Variants in CLMN observed in about 807,000 individuals in gnomAD.
CLMN encodes calmin, also known as calmin (calponin-like, transmembrane).
A neutral mutation model predicts 92.7 loss-of-function variants in CLMN; 57 were observed. The ratio of observed to expected loss-of-function variants is 0.61; its 90% CI spans 0.50 to 0.77. CLMN has a LOEUF of 0.77. Ranked by LOEUF, CLMN falls within the 30% of genes least tolerant of loss-of-function variation. The pLI, the probability that CLMN is intolerant of heterozygous loss-of-function variation, is 0.00. For missense variants in CLMN, 1,158 were observed against 1,237.5 expected, an observed-to-expected ratio of 0.94 and a Z score of 0.96; for synonymous variants, 466 against 470.6, an observed-to-expected ratio of 0.99 and a Z score of 0.13.
At chr14:95,208,574 T>TAAA (rs1262952908) in intron 8 of CLMN, among the ~76,000 whole-genome samples, 1 of 152,180 alleles carries the variant, frequency 6.6e-6, no homozygotes, top group African/African-American at 2.4e-5. Context: ...ATCCGTTTTA[T>TAAA]AAGAAAGCGT....
At chr14:95,216,598 A>C (rs1897356042) in intron 4 of CLMN, among the ~76,000 whole-genome samples, 1 of 152,244 alleles carries the variant, frequency 6.6e-6, no homozygotes, top group Non-Finnish European at 1.5e-5. Context: ...CGACATGAGC[A>C]GTCACGGACT....
At chr14:95,285,952 T>C (rs1900324990) in intron 1 of CLMN, among the ~76,000 whole-genome samples, 1 of 152,148 alleles carries the variant, frequency 6.6e-6, no homozygotes, top group African/African-American at 2.4e-5. Context: ...TTGATTCATA[T>C]AGGACCACAT....
At chr14:95,298,516 T>G (rs910355742) in intron 1 of CLMN, among the ~76,000 whole-genome samples, 1 of 152,076 alleles carries the variant, frequency 6.6e-6, no homozygotes, top group Non-Finnish European at 1.5e-5. Flanking sequence ...GATAGTAACC[T>G]CAGTCGCAGG....
intron 1 of CLMN, among the ~76,000 whole-genome samples, chr14:95,255,253 C>A (rs1898950811): frequency 6.6e-6 from 1 of 152,146 alleles, no homozygotes; most frequent in African/African-American, 2.4e-5. Flanking sequence ...GTTAAGCCAC[C>A]CAACCTGGGG....
Position 95,204,050 on chromosome 14 carries a change from G to A in CLMN, c.1299C>T (p.Tyr433=), listed in dbSNP as rs141550341. ...KKTVHFEADT[Y]KDPFCSKNLS... The stretch of plus-strand genomic sequence containing the variant: ...GGTTCTTACTGCAGAAAGGATCCTT[G>A]TAGGTGTCAGCCTCAAAGTGAACTG... The change falls in exon 9 of 13, where the codon TAC becomes TAT. Residue 433 remains tyrosine (Y), a synonymous_variant. Coordinates refer to ENST00000298912, the MANE Select transcript of CLMN (RefSeq NM_024734.4). 32 of 1,614,190 alleles carry A rather than the reference G, an allele frequency of 2.0e-5. No homozygotes were observed. In the East Asian group the frequency reaches 7.1e-4, roughly 36 times the overall value.
At chr14:95,291,055 C>T (rs537390143) in intron 1 of CLMN, among the ~76,000 whole-genome samples, 25 of 152,350 alleles carry the variant, frequency 1.6e-4, no homozygotes, top group African/African-American at 4.3e-4. Flanking sequence ...GAGCTGACCA[C>T]GCTCTTCTGT....
chr14:95,300,088 C>T (rs1307378288), intron 1 of CLMN, among the ~76,000 whole-genome samples: 1 of 152,248 alleles, frequency 6.6e-6, no homozygotes, highest in Admixed American at 6.5e-5. Flanking sequence ...TGGAAAGCAG[C>T]CTCCCGTCTC....
rs372315295 is a variant in CLMN, at chr14:95,191,986, C to T, written c.2841-254G>A. ...AACATCAGGTGAGAGGAGGTGGCAG[C>T]CCCATTCTGCAGATGGACACACTGA... On this transcript the variant is annotated intron_variant, in intron 12 of 12. Transcript: ENST00000298912. This position sits in a 1 kb window ranked among gnomAD's most constrained non-coding sequence, Gnocchi z 5.3. 4.4e-4 allele frequency: 159 copies of T among 360,166 alleles called. 1 individual carries two copies. In the South Asian group the frequency reaches 0.011, roughly 24 times the overall value. The allele number at this position is 360,166 out of a possible 1,614,324, so 22.3% of individuals were successfully genotyped here. A position where few individuals can be genotyped will look rare whatever the true frequency, so the allele number is the denominator to read the frequency against.
intron 1 of CLMN, among the ~76,000 whole-genome samples, chr14:95,239,459 T>C (rs1377449246): frequency 1.3e-5 from 2 of 152,362 alleles, no homozygotes; most frequent in African/African-American, 2.4e-5. Flanking sequence ...CCCCTGACCA[T>C]GATCCCTGGA....
intron 1 of CLMN, among the ~76,000 whole-genome samples, chr14:95,267,281 A>C (rs1185206370): frequency 6.6e-6 from 1 of 152,220 alleles, no homozygotes; most frequent in Non-Finnish European, 1.5e-5. Flanking sequence ...CATCCATCTG[A>C]TAAGGGATTA....
At chr14:95,270,426 T>C (rs1899662565) in intron 1 of CLMN, among the ~76,000 whole-genome samples, 1 of 152,194 alleles carries the variant, frequency 6.6e-6, no homozygotes, top group South Asian at 2.1e-4. Flanking sequence ...GATTACCCAT[T>C]AGCTGTCATT....
At chr14:95,240,296 G>A (rs1458938011) in intron 1 of CLMN, among the ~76,000 whole-genome samples, 2 of 152,166 alleles carry the variant, frequency 1.3e-5, no homozygotes, top group African/African-American at 4.8e-5. Flanking sequence ...TCTCCTTTCT[G>A]GCACACAGCG....
At chr14:95,284,301 G>T (rs1291653582) in intron 1 of CLMN, among the ~76,000 whole-genome samples, 1 of 152,204 alleles carries the variant, frequency 6.6e-6, no homozygotes, top group African/African-American at 2.4e-5. Flanking sequence ...TGCTGCAGGG[G>T]CAGGGCCCTC....
chr14:95,228,031 AG>A (rs1422403303), intron 2 of CLMN, among the ~76,000 whole-genome samples: 1 of 152,188 alleles, frequency 6.6e-6, no homozygotes, highest in African/African-American at 2.4e-5. Flanking sequence ...GCCCTGAGAA[AG>A]GGGCAGGAAT....
In CLMN at chr14:95,319,818, C is replaced by T. The variant is rs773354384; in HGVS notation, c.-26G>A. 2 of 1,328,336 alleles carry T rather than the reference C, an allele frequency of 1.5e-6. No individual in the cohort carries two copies. The highest frequency in any genetic ancestry group is 1.9e-6 in the Non-Finnish European group (2 of 1,027,954). 82.3% of individuals were successfully genotyped at this position (1,328,336 alleles called of 1,614,324 possible). A position where few individuals can be genotyped will look rare whatever the true frequency, so the allele number is the denominator to read the frequency against. ...GAAGCGCGGGCGGGAGAGCCCGGGC[C>T]AGCGCGGCGCGGGCGGCGGGCGCGG... On this transcript the variant is annotated 5_prime_UTR_variant, in exon 1 of 13. Transcript: ENST00000298912.
At chr14:95,273,876 C>A (rs889407376) in intron 1 of CLMN, among the ~76,000 whole-genome samples, 1 of 152,154 alleles carries the variant, frequency 6.6e-6, no homozygotes, top group South Asian at 2.1e-4. Context: ...ACCGATCGTA[C>A]ATGAACCTCA....
intron 1 of CLMN, among the ~76,000 whole-genome samples, chr14:95,313,781 T>G (rs961257832): frequency 1.3e-5 from 2 of 152,248 alleles, no homozygotes; most frequent in Admixed American, 6.5e-5. Context: ...ATAGGGCAGA[T>G]GTGATCTATG....
At position 95,278,987 on chromosome 14, in the gene CLMN, T is replaced by G. The variant is rs1900041042; in HGVS notation, c.82+40724A>C. ...CTGCACCCTGAAGCCAGTAATCTAA[T>G]TAAATTTTAATTAAACTTAAAAACT... is the stretch of plus-strand genomic sequence containing the variant. On this transcript the variant is annotated intron_variant, in intron 1 of 12. Transcript: ENST00000298912. Among the ~76,000 whole-genome samples the G allele has an allele frequency of 2.0e-5, 3 of 152,346 alleles. No individual in the cohort carries two copies. In the South Asian group the frequency reaches 6.2e-4, roughly 32 times the overall value.
chr14:95,201,601 G>C (rs1896885291), intron 9 of CLMN, among the ~76,000 whole-genome samples: 1 of 148,550 alleles, frequency 6.7e-6, no homozygotes, highest in Non-Finnish European at 1.5e-5. Context: ...TAAGTTCTGG[G>C]ATACACGTAC....
Sources: gnomAD v4.1 joint callset for allele counts (sites outside exome capture counted in the v4.1 genomes callset) on GRCh38, gnomAD v4.1.1 for gene constraint, Gnocchi (gnomAD v3.1) non-coding constraint, MANE v1.5 for transcripts, NCBI Gene and HGNC (gene_info 2026-07-23, HGNC 2026-07-21) for gene names.